Variants in TANK observed in about 807,000 individuals in gnomAD.
TANK encodes TRAF family member associated NFKB activator.
Under a neutral mutation model 43.6 loss-of-function variants are expected in TANK, and 15 were observed. That is an observed-to-expected ratio of 0.34 (90% CI 0.23 to 0.53). The LOEUF (loss-of-function observed/expected upper bound fraction) is 0.53, where lower values mean the gene tolerates loss of function less well. TANK is among the 20% of genes least tolerant of loss of function. TANK has a pLI of 0.94. For missense variants in TANK, 417 were observed against 498.6 expected (o/e 0.84, Z 1.56); for synonymous variants, 162 against 178.2 (o/e 0.91, Z 0.73).
rs968571481 is a variant in TANK at position 161,137,476 on chromosome 2, T to A, written c.-50+413T>A. Among the ~76,000 whole-genome samples, 10 of 152,298 alleles carry A rather than the reference T, an allele frequency of 6.6e-5. No homozygotes were observed. The East Asian group carries it at 1.7e-3, about 26-fold the overall frequency. ...AGAATTTATGTCTCTACCTCAATGA[T>A]TTTTTTAAGTTTATATCTGGAATGA... On this transcript the variant is annotated intron_variant, in intron 1 of 7. Coordinates refer to the TANK transcript ENST00000259075.
In TANK at chr2:161,204,863, T is replaced by C. The variant is rs527814868; in HGVS notation, c.327+70T>C. ...TGACATAGCTTCCTCATTTTATTTT[T>C]CTGAAGTGATCTGCTGGAATTCCAA... On this transcript the variant is annotated intron_variant, in intron 4 of 7. Coordinates refer to ENST00000392749, the MANE Select transcript of TANK (RefSeq NM_001199135.3). 201 of 1,567,098 alleles carry C rather than the reference T, an allele frequency of 1.3e-4. 1 individual carries two copies. The highest frequency in any genetic ancestry group is 1.6e-4 in the Non-Finnish European group (182 of 1,164,170).
At chr2:161,226,044 T>C (rs1297292761) in intron 6 of TANK, among the ~76,000 whole-genome samples, 2 of 152,218 alleles carry the variant, frequency 1.3e-5, no homozygotes, top group Non-Finnish European at 2.9e-5. Context: ...AAATGAATTA[T>C]TTCTGTTTAA....
Position 161,211,115 on chromosome 2 carries a change from G to C in TANK, c.327+6322G>C, listed in dbSNP as rs115385508. On this transcript the variant is annotated intron_variant, in intron 4 of 7. Transcript: ENST00000392749. ...ACCTTTTTCTTAACTTTATTCTATA[G>C]ACAGTCCTTCAGTGAGCGGCATTTA... Among the ~76,000 whole-genome samples the C allele has an allele frequency of 2.9e-3, 440 of 152,286 alleles. 1 individual carries two copies. Among genetic ancestry groups the C allele is most frequent in the Non-Finnish European group, 5.0e-3 (342 of 68,018 alleles).
chr2:161,169,463 G>A (rs1175690160), intron 1 of TANK, among the ~76,000 whole-genome samples: 3 of 152,196 alleles, frequency 2.0e-5, no homozygotes, highest in Non-Finnish European at 4.4e-5. Context: ...TTGGGGAAAT[G>A]GGGGAGAATA....
At chr2:161,203,061 T>A (rs1054901030) in intron 2 of TANK, 1 of 228,732 alleles carries the variant, frequency 4.4e-6, no homozygotes, top group African/African-American at 2.4e-5. Flanking sequence ...TAAAAATAAA[T>A]TTAGAAGTGT....
At chr2:161,204,985 T>C (rs764286681) in intron 4 of TANK, 192 bp downstream of exon 4, 13 of 1,351,990 alleles carry the variant, frequency 9.6e-6, no homozygotes, top group African/African-American at 1.5e-5. Context: ...TATTTCCTAC[T>C]GACCGTTTTT....
chr2:161,191,852 G>A (rs940431839), intron 2 of TANK, among the ~76,000 whole-genome samples: 3 of 151,998 alleles, frequency 2.0e-5, no homozygotes, highest in Non-Finnish European at 2.9e-5. Flanking sequence ...GGAGTGCAGT[G>A]GCGCTCACTT....
At chr2:161,214,305 CCAGTTTACTTGCAACT>C (rs1197973552) in intron 4 of TANK, among the ~76,000 whole-genome samples, 1 of 152,116 alleles carries the variant, frequency 6.6e-6, no homozygotes, top group East Asian at 1.9e-4. Flanking sequence ...AGAAAAGTAA[CCAGTTTACTTGCAACT>C]CAAATAGTTG....
chr2:161,141,630 G>T (rs1683749250), intron 1 of TANK, among the ~76,000 whole-genome samples: 1 of 152,110 alleles, frequency 6.6e-6, no homozygotes, highest in Non-Finnish European at 1.5e-5. Flanking sequence ...ATGGCTTCCA[G>T]CTTCATCCAT....
rs1331413737 is a variant in TANK, at chr2:161,200,480, C to T, written c.100-3007C>T. On this transcript the variant is annotated intron_variant, in intron 2 of 7. Coordinates refer to ENST00000392749, the MANE Select transcript of TANK (RefSeq NM_001199135.3). ...TAAACCAAGTTCTACTGGTTATTTC[C>T]CAGTTTGATGTAATATTTCCTTTTG... 6 of 966,898 alleles carry T rather than the reference C, an allele frequency of 6.2e-6. No homozygotes were observed. The African/African-American group carries it at 1.1e-4, about 17-fold the overall frequency. The allele number at this position is 966,898 out of a possible 1,614,324, so 59.9% of individuals were successfully genotyped here.
At position 161,187,130 on chromosome 2, in the gene TANK, C is replaced by A. The variant is rs147826019; in HGVS notation, c.99+7369C>A. On this transcript the variant is annotated intron_variant, in intron 2 of 7. Transcript: ENST00000392749. ...AAATCAGAGACAACAGACTTTAAAT[C>A]AAAAATTGTTCCAAACTGGGTATGG... Among the ~76,000 whole-genome samples, 412 of 152,082 alleles carry A rather than the reference C, an allele frequency of 2.7e-3. 3 individuals are homozygous for A. Among genetic ancestry groups the A allele is most frequent in the African/African-American group, 9.7e-3 (402 of 41,512 alleles).
Position 161,204,771 on chromosome 2 carries a change from T to G in TANK, c.305T>G (p.Ile102Arg). The change falls in exon 4 of 8, where the codon ATA (isoleucine) becomes AGA (arginine). Residue 102 changes from isoleucine to arginine, a missense_variant. Coordinates refer to ENST00000392749, the MANE Select transcript of TANK (RefSeq NM_001199135.3). ...CCACAAGATAAAGTGATTTCAGGAATAGCAAGAGAAAAACTACCAAAGGTA... is the reference window on the plus strand; with the variant it reads ...CCACAAGATAAAGTGATTTCAGGAAGAGCAAGAGAAAAACTACCAAAGGTA... ...DQPQDKVISG[I>R]AREKLPKVRR... is the part of the protein sequence containing the mutation. 1 of 1,605,740 alleles carries G rather than the reference T, an allele frequency of 6.2e-7. No individual in the cohort carries two copies. The highest frequency in any genetic ancestry group is 8.5e-7 in the Non-Finnish European group (1 of 1,177,630).
chr2:161,182,137 A>T (rs775306751), intron 2 of TANK, among the ~76,000 whole-genome samples: 13 of 152,104 alleles, frequency 8.5e-5, no homozygotes, highest in South Asian at 8.3e-4. Flanking sequence ...AAAAAAAAAA[A>T]TCTCAGAGTT....
At chr2:161,179,968 A>G (rs1369412749) in intron 2 of TANK, 1 of 1,247,110 alleles carries the variant, frequency 8.0e-7, no homozygotes, top group South Asian at 3.1e-5. Flanking sequence ...AGTTGATTTG[A>G]TGGGCTCCTT....
intron 1 of TANK, among the ~76,000 whole-genome samples, chr2:161,141,653 G>A (rs1186965005): frequency 6.6e-6 from 1 of 152,124 alleles, no homozygotes; most frequent in African/African-American, 2.4e-5. Flanking sequence ...CACTGCAAAG[G>A]ACATGATCTC....
intron 1 of TANK, among the ~76,000 whole-genome samples, chr2:161,177,799 A>G (rs979048033): frequency 6.6e-6 from 1 of 152,134 alleles, no homozygotes; most frequent in Non-Finnish European, 1.5e-5. Context: ...TAGTTTCTAG[A>G]ATATATAAAG....
chr2:161,166,306 A>G (rs148497127), intron 1 of TANK, among the ~76,000 whole-genome samples: 6 of 152,246 alleles, frequency 3.9e-5, no homozygotes, highest in African/African-American at 1.4e-4. Flanking sequence ...GGGTATATTC[A>G]TGACCAAAGT....
chr2:161,172,933 C>T (rs1282200967), intron 1 of TANK, among the ~76,000 whole-genome samples: 1 of 152,168 alleles, frequency 6.6e-6, no homozygotes, highest in East Asian at 1.9e-4. Context: ...GGTATAGCCT[C>T]ACTTTGTCTC....
At chr2:161,184,558 G>T (rs959784225) in intron 2 of TANK, among the ~76,000 whole-genome samples, 3 of 152,112 alleles carry the variant, frequency 2.0e-5, no homozygotes, top group Non-Finnish European at 4.4e-5. Context: ...CAATCAAAAT[G>T]AGGACATAAA....
Sources: gnomAD v4.1 joint callset for allele counts (sites outside exome capture counted in the v4.1 genomes callset) on GRCh38, gnomAD v4.1.1 for gene constraint, MANE v1.5 for transcripts, NCBI Gene and HGNC (gene_info 2026-07-23, HGNC 2026-07-21) for gene names.